Variants in RALGAPB observed in about 807,000 individuals in gnomAD.
RALGAPB encodes Ral GTPase activating protein non-catalytic subunit beta.
In RALGAPB, 25 loss-of-function variants were observed where a neutral mutation model predicts 161.1. The ratio of observed to expected loss-of-function variants is 0.16; its 90% CI spans 0.11 to 0.22. The LOEUF is 0.22. Ranked by LOEUF, RALGAPB falls within the 10% of genes least tolerant of loss-of-function variation. The pLI is 1.00. For synonymous variants in RALGAPB, 629 were observed against 626.1 expected (o/e 1.00, Z -0.07); for missense variants, 1,391 against 1,815.2 (o/e 0.77, Z 4.25).
intron 18 of RALGAPB, among the ~76,000 whole-genome samples, chr20:38,541,967 A>G (rs1249979867): frequency 6.6e-6 from 1 of 152,168 alleles, no homozygotes; most frequent in Non-Finnish European, 1.5e-5. Flanking sequence ...AGTGGTAAAG[A>G]CAGGGAGTTT....
chr20:38,515,899 A>G (rs965460300), intron 6 of RALGAPB, among the ~76,000 whole-genome samples: 7 of 152,112 alleles, frequency 4.6e-5, no homozygotes, highest in African/African-American at 1.4e-4. Context: ...ATGTCCATCT[A>G]TTGCTTAATT....
In RALGAPB at chr20:38,574,130, A is replaced by G. The variant is rs765206705; in HGVS notation, c.4143-20A>G. On this transcript the variant is annotated intron_variant, in intron 28 of 29. Transcript: ENST00000262879. Reference sequence around the variant, plus strand: ...ACTTCAACTCTTGGGTGTCTGAGATAACAATTTTCTTTTCTTAAGATCTAC... The same window carrying G: ...ACTTCAACTCTTGGGTGTCTGAGATGACAATTTTCTTTTCTTAAGATCTAC... 1.3e-6 allele frequency: 2 copies of G among 1,594,876 alleles called. No homozygotes were observed. Among genetic ancestry groups the G allele is most frequent in the Admixed American group, 1.8e-5 (1 of 56,566 alleles).
At chr20:38,541,298 C>T in intron 18 of RALGAPB, 106 bp downstream of exon 18, 1 of 1,113,204 alleles carries the variant, frequency 9.0e-7, no homozygotes, top group East Asian at 2.6e-5. Flanking sequence ...CGTGATGCAG[C>T]CCCTTTAGAA....
intron 13 of RALGAPB, among the ~76,000 whole-genome samples, chr20:38,528,736 A>G (rs1447528304): frequency 2.0e-5 from 3 of 151,992 alleles, no homozygotes; most frequent in Non-Finnish European, 4.4e-5. Context: ...GCTAGAGGGC[A>G]GTGGCATGAT....
chr20:38,548,969 A>G (rs577261417), intron 20 of RALGAPB, among the ~76,000 whole-genome samples, 174 bp downstream of exon 20: 1 of 152,234 alleles, frequency 6.6e-6, no homozygotes, highest in African/African-American at 2.4e-5. Flanking sequence ...GTACTCAATT[A>G]CTCTTTAAAG....
At chr20:38,544,370 C>T (rs545008809) in intron 18 of RALGAPB, among the ~76,000 whole-genome samples, 3 of 151,160 alleles carry the variant, frequency 2.0e-5, no homozygotes, top group African/African-American at 7.3e-5. Context: ...TTAAATATTA[C>T]AAAGATTCAA....
intron 4 of RALGAPB, among the ~76,000 whole-genome samples, chr20:38,497,973 G>T (rs566639371): frequency 6.6e-6 from 1 of 151,712 alleles, no homozygotes; most frequent in Non-Finnish European, 1.5e-5. Context: ...GGAGGCTGAG[G>T]CAGGAGAATT....
At chr20:38,566,152 C>T (rs1265705909) in intron 25 of RALGAPB, among the ~76,000 whole-genome samples, 3 of 152,172 alleles carry the variant, frequency 2.0e-5, no homozygotes, top group Admixed American at 2.0e-4. Context: ...AGTCTTATTT[C>T]CAGACTAATG....
intron 1 of RALGAPB, among the ~76,000 whole-genome samples, chr20:38,476,888 C>T (rs770338464): frequency 4.1e-4 from 62 of 152,104 alleles, no homozygotes; most frequent in Non-Finnish European, 4.9e-4. Context: ...AATCAGAGTA[C>T]GGTTTTTACT....
At chr20:38,524,510 A>G (rs1170659611) in intron 10 of RALGAPB, among the ~76,000 whole-genome samples, 1 of 152,078 alleles carries the variant, frequency 6.6e-6, no homozygotes, top group African/African-American at 2.4e-5. Context: ...TTTCTTCATT[A>G]AGAAAGATGA....
At chr20:38,486,042 T>C (rs1474263870) in intron 1 of RALGAPB, among the ~76,000 whole-genome samples, 1 of 144,118 alleles carries the variant, frequency 6.9e-6, no homozygotes, top group Non-Finnish European at 1.5e-5. Context: ...CCATCTCTGC[T>C]CACTGCAGCC....
intron 18 of RALGAPB, among the ~76,000 whole-genome samples, chr20:38,542,514 A>C (rs1364572358): frequency 2.0e-5 from 3 of 152,196 alleles, no homozygotes; most frequent in Non-Finnish European, 4.4e-5. Context: ...GAATACAGCT[A>C]CTGAAGCATG....
chr20:38,552,419 A>G (rs896415295), intron 21 of RALGAPB, among the ~76,000 whole-genome samples: 1 of 152,158 alleles, frequency 6.6e-6, no homozygotes, highest in Non-Finnish European at 1.5e-5. Flanking sequence ...GCTGAGAATT[A>G]CAGGTGTAAG....
At chr20:38,573,743 T>A (rs1393481479) in intron 28 of RALGAPB, 1 of 152,750 alleles carries the variant, frequency 6.5e-6, no homozygotes, top group Non-Finnish European at 1.5e-5. Flanking sequence ...AAATTCCTTG[T>A]ACTCTGGCCG....
intron 2 of RALGAPB, among the ~76,000 whole-genome samples, chr20:38,490,189 A>T (rs189958770): frequency 7.0e-6 from 1 of 143,278 alleles, no homozygotes; most frequent in African/African-American, 2.6e-5. Flanking sequence ...TTTGTATTTT[A>T]AAAATGTATT....
At chr20:38,475,191 GT>G (rs1292815104) in intron 1 of RALGAPB, among the ~76,000 whole-genome samples, 1 of 152,196 alleles carries the variant, frequency 6.6e-6, no homozygotes, top group Non-Finnish European at 1.5e-5. Flanking sequence ...CCAAAAAAGT[GT>G]TTAGTTGTCA....
intron 1 of RALGAPB, among the ~76,000 whole-genome samples, chr20:38,474,903 T>C (rs1165063855): frequency 1.3e-5 from 2 of 152,214 alleles, no homozygotes; most frequent in Non-Finnish European, 2.9e-5. Flanking sequence ...TTCTTCTCTA[T>C]TTCCATTTTT....
chr20:38,574,942 TTGGACTCAAGAAC>T lies in RALGAPB; in HGVS notation c.4463_4475del (p.Gly1488AlafsTer9). On this transcript the variant is annotated frameshift_variant, in exon 30 of 30. Transcript: ENST00000262879. LOFTEE classifies it high-confidence loss of function. ...TTTTATACTTCACTTTTCCAGGAGGTTGGACTCAAGAACTGCAGTTCTTAGACCACTGAATTTC... is the reference window on the plus strand; with the variant it reads ...TTTTATACTTCACTTTTCCAGGAGGTTGCAGTTCTTAGACCACTGAATTTC... 6.2e-7 allele frequency: 1 copy of T among 1,613,544 alleles called. No homozygotes were observed.
At chr20:38,565,077 C>G (rs528459381) in intron 24 of RALGAPB, among the ~76,000 whole-genome samples, 13 of 152,210 alleles carry the variant, frequency 8.5e-5, no homozygotes, top group African/African-American at 3.1e-4. Context: ...ATCCAAAGGA[C>G]TGCTCCCTTA....
Sources: gnomAD v4.1 joint callset for allele counts (sites outside exome capture counted in the v4.1 genomes callset) on GRCh38, gnomAD v4.1.1 for gene constraint, MANE v1.5 for transcripts, NCBI Gene and HGNC (gene_info 2026-07-23, HGNC 2026-07-21) for gene names.